ANK2: variants seen among roughly 807,000 people sequenced by gnomAD.
The protein encoded by ANK2 is ankyrin 2.
In ANK2, 83 loss-of-function variants were observed where a neutral mutation model predicts 360.5. The observed-to-expected ratio is 0.23, with a 90% CI of 0.19 to 0.28. The LOEUF is 0.28. Ranked by LOEUF, ANK2 falls within the 10% of genes least tolerant of loss-of-function variation. The pLI is 1.00. For synonymous variants in ANK2, 1,740 were observed against 1,759.5 expected (o/e 0.99, Z 0.28); for missense variants, 4,201 against 4,795.7 (o/e 0.88, Z 3.66).
intron 26 of ANK2, among the ~76,000 whole-genome samples, chr4:113,325,609 A>C (rs4501227): frequency 0.086 from 13,079 of 152,212 alleles, 1,417 homozygotes; most frequent in African/African-American, 0.26. Flanking sequence ...TAAACTAATA[A>C]AAACTTCATC....
chr4:112,820,557 C>T (rs1314069853), intron 1 of ANK2, among the ~76,000 whole-genome samples: 1 of 152,110 alleles, frequency 6.6e-6, no homozygotes, highest in Non-Finnish European at 1.5e-5. Flanking sequence ...ACTGTAATTT[C>T]ACCGTCTTTC....
chr4:113,353,440 C>G lies in ANK2; in HGVS notation c.4822C>G (p.Pro1608Ala). 6.2e-7 allele frequency: 1 copy of G among 1,613,896 alleles called. No homozygotes were observed. Among genetic ancestry groups the G allele is most frequent in the Non-Finnish European group, 8.5e-7 (1 of 1,179,936 alleles). Residue 1608 changes from proline to alanine, a missense_variant, in exon 38 of 46, where the codon CCT becomes GCT. Coordinates refer to ENST00000357077, the MANE Select transcript of ANK2 (RefSeq NM_001148.6). ...EEIEEARQKA[P>A]LEITEYPCVE... ...AATAGAAGAGGCTAGGCAAAAAGCA[C>G]CTTTAGAAATCACTGAATATCCATG...
intron 17 of ANK2, among the ~76,000 whole-genome samples, chr4:113,280,740 T>C (rs565930695): frequency 3.8e-4 from 58 of 152,332 alleles, no homozygotes; most frequent in African/African-American, 1.3e-3. Context: ...TCAGATCTTG[T>C]AGGTTGAGTA....
At chr4:112,774,587 A>G in the ANK2 span, among the ~76,000 whole-genome samples, 10 of 152,238 alleles carry the variant, frequency 6.6e-5, no homozygotes, top group Admixed American at 1.3e-4. Context: ...GAAGAAATGA[A>G]GCTCTCATAG....
chr4:112,711,194 C>CA, the ANK2 span, among the ~76,000 whole-genome samples: 8,544 of 135,102 alleles, frequency 0.063, 383 homozygotes, highest in Middle Eastern at 0.12. Context: ...CACACTGTCT[C>CA]AAAAAAAAAA....
intron 2 of ANK2, among the ~76,000 whole-genome samples, chr4:113,032,820 C>T (rs1162479470): frequency 6.6e-6 from 1 of 152,062 alleles, no homozygotes; most frequent in African/African-American, 2.4e-5. Context: ...AATACTCACT[C>T]AGGTGCTTGT....
rs750961324 is a variant in ANK2, at chr4:113,255,776, C to T, written c.1032C>T (p.His344=). The change falls in exon 11 of 46, where the codon CAC becomes CAT. Residue 344 remains histidine (H), a synonymous_variant. Transcript: ENST00000357077. The part of the protein sequence containing the change: ...SPLHMAAQGD[H]VECVKHLLQH... The stretch of plus-strand genomic sequence containing the variant: ...TACACATGGCTGCCCAGGGAGACCA[C>T]GTGGAATGTGTGAAGCACCTGTTAC... 6.2e-7 allele frequency: 1 copy of T among 1,614,156 alleles called. No homozygotes were observed.
chr4:113,113,080 T>A lies in ANK2; in HGVS notation c.85-61336T>A, dbSNP rs28669847. On this transcript the variant is annotated intron_variant, in intron 1 of 45. Transcript: ENST00000357077. ...TTTCCTTACCTCGATCACTCATTAG[T>A]CCCAAAAAACAGAGGAAGCCTCAAC... 8.4e-3 allele frequency among the ~76,000 whole-genome samples: 1,281 copies of A among 152,222 alleles called. 23 individuals are homozygous for A. Among genetic ancestry groups the A allele is most frequent in the African/African-American group, 0.029 (1,223 of 41,534 alleles).
the ANK2 span, among the ~76,000 whole-genome samples, chr4:112,718,632 ATTTATTT>A: frequency 3.3e-5 from 5 of 149,590 alleles, no homozygotes; most frequent in Non-Finnish European, 7.4e-5. Context: ...AGCAGTTTTT[ATTTATTT>A]TTTATTTTTA....
chr4:112,722,470 A>T, the ANK2 span, among the ~76,000 whole-genome samples: 1 of 152,204 alleles, frequency 6.6e-6, no homozygotes, highest in Non-Finnish European at 1.5e-5. Context: ...ACCTAACAGG[A>T]GGCCAGAAGT....
At chr4:113,329,612 A>G (rs2091778144) in intron 26 of ANK2, among the ~76,000 whole-genome samples, 1 of 152,170 alleles carries the variant, frequency 6.6e-6, no homozygotes, top group Non-Finnish European at 1.5e-5. Flanking sequence ...CCTGCTGTTC[A>G]TTTCAATTAG....
chr4:112,990,086 G>A (rs1252323150), intron 2 of ANK2, among the ~76,000 whole-genome samples: 1 of 152,034 alleles, frequency 6.6e-6, no homozygotes, highest in Non-Finnish European at 1.5e-5. Context: ...GCCTGAGAAA[G>A]TAGTGAGACC....
chr4:112,868,326 TA>T (rs1189783961), intron 1 of ANK2, among the ~76,000 whole-genome samples: 2 of 152,234 alleles, frequency 1.3e-5, no homozygotes, highest in African/African-American at 4.8e-5. Flanking sequence ...TCTAAGAGCA[TA>T]GTGTCAGCAT....
At chr4:113,296,641 T>C (rs1466771061) in intron 22 of ANK2, among the ~76,000 whole-genome samples, 1 of 152,224 alleles carries the variant, frequency 6.6e-6, no homozygotes, top group Non-Finnish European at 1.5e-5. Context: ...GTTTGTTTCC[T>C]TAACCTTTGC....
the ANK2 span, among the ~76,000 whole-genome samples, chr4:112,812,481 T>C: frequency 6.6e-6 from 1 of 152,126 alleles, no homozygotes; most frequent in Non-Finnish European, 1.5e-5. Flanking sequence ...AAAAGCAACA[T>C]AAGAGGCACG....
At chr4:112,907,891 C>T (rs2085780441) in intron 2 of ANK2, among the ~76,000 whole-genome samples, 1 of 152,130 alleles carries the variant, frequency 6.6e-6, no homozygotes, top group Non-Finnish European at 1.5e-5. Context: ...TGGAGCCCTT[C>T]ACTAAGCTCA....
At chr4:112,711,500 A>G in the ANK2 span, among the ~76,000 whole-genome samples, 1 of 151,826 alleles carries the variant, frequency 6.6e-6, no homozygotes, top group African/African-American at 2.4e-5. Context: ...TCCAGCCTGC[A>G]TGACAGTGAG....
intron 1 of ANK2, among the ~76,000 whole-genome samples, chr4:113,142,111 G>A (rs1045123293): frequency 1.3e-5 from 2 of 152,162 alleles, no homozygotes; most frequent in Non-Finnish European, 2.9e-5. Context: ...ACATTGTTCT[G>A]CCCTGGCAGA....
intron 4 of ANK2, among the ~76,000 whole-genome samples, chr4:113,224,454 A>G (rs1257368648): frequency 3.3e-5 from 5 of 151,968 alleles, no homozygotes; most frequent in Non-Finnish European, 2.9e-5. Flanking sequence ...GTATCTGTTC[A>G]CCTCCTATTC....
Sources: allele counts gnomAD v4.1 joint callset (sites outside exome capture counted in the v4.1 genomes callset), GRCh38; gene constraint gnomAD v4.1.1; transcripts MANE v1.5; gene names NCBI Gene and HGNC (gene_info 2026-07-23, HGNC 2026-07-21).